The following P3H3 variants were observed in gnomAD, a reference collection of about 807,000 sequenced individuals.
P3H3 encodes the protein gene rich cluster, B.
Under a neutral mutation model 78.1 loss-of-function variants are expected in P3H3, and 64 were observed. The observed-to-expected ratio is 0.82, with a 90% CI of 0.67 to 1.01. P3H3 has a LOEUF of 1.01. P3H3 is among the 50% of genes least tolerant of loss of function. The pLI is 0.00. For missense variants in P3H3, 975 were observed against 982.2 expected (o/e 0.99, Z 0.10); for synonymous variants, 425 against 416.7 (o/e 1.02, Z -0.24).
Position 6,828,848 on chromosome 12 carries a change from G to A in P3H3, c.408G>A (p.Gly136=), listed in dbSNP as rs1383304773. 2.4e-6 allele frequency: 3 copies of A among 1,245,602 alleles called. No individual in the cohort carries two copies. Among genetic ancestry groups the A allele is most frequent in the Non-Finnish European group, 3.0e-6 (3 of 994,920 alleles). 77.2% of individuals were successfully genotyped at this position (1,245,602 alleles called of 1,614,324 possible). A position where few individuals can be genotyped will look rare whatever the true frequency, so the allele number is the denominator to read the frequency against. ...GCGCAGCACGGAGGCTGGGCCCCGGGGGCGCGGCGCGGCTTCGCGTGGGGA... is the reference window on the plus strand; with the variant it reads ...GCGCAGCACGGAGGCTGGGCCCCGGAGGCGCGGCGCGGCTTCGCGTGGGGA... The part of the protein sequence containing the change: ...TQCAARRLGP[G]GAARLRVGSA... The change falls in exon 1 of 15, where the codon GGG becomes GGA. Residue 136 remains glycine (G), a synonymous_variant. Transcript: ENST00000290510.
rs782454657 is a variant in P3H3, at chr12:6,830,376, G to A, written c.675G>A (p.Glu225=). Residue 225 remains glutamate, a synonymous_variant, in exon 3 of 15, where the codon GAG becomes GAA. Transcript: ENST00000290510. ...PHWAAYDTGL[E]LLGRQEAGLA... ...AGGCAGCCTATGACACTGGCCTGGA[G>A]CTACTGGGGCGCCAGGAGGCAGGAC... The A allele has an allele frequency of 5.2e-5, 82 of 1,584,656 alleles. 2 individuals are homozygous for A. The South Asian group carries it at 9.1e-4, about 18-fold the overall frequency.
rs2137955040 is a variant in P3H3 at position 6,828,410 on chromosome 12, T to A, written c.-31T>A. The A allele has an allele frequency of 8.2e-6, 2 of 242,882 alleles. No individual in the cohort carries two copies. Among genetic ancestry groups the A allele is most frequent in the African/African-American group, 2.5e-5 (1 of 39,536 alleles). 15.0% of individuals were successfully genotyped at this position (242,882 alleles called of 1,614,324 possible). A position where few individuals can be genotyped will look rare whatever the true frequency, so the allele number is the denominator to read the frequency against. ...CTCTCCCTCCCTCTCGGCTCCCGCA[T>A]TTCCCCTCGGCTGCCGGCGGCTCCG... On this transcript the variant is annotated 5_prime_UTR_variant, in exon 1 of 15. Coordinates refer to ENST00000290510, the MANE Select transcript of P3H3 (RefSeq NM_014262.5).
Position 6,839,521 on chromosome 12 carries a change from C to T in P3H3, c.*60C>T. 6 of 1,519,076 alleles carry T rather than the reference C, an allele frequency of 3.9e-6. No homozygotes were observed. The Admixed American group carries it at 8.1e-5, about 21-fold the overall frequency. 94.1% of individuals were successfully genotyped at this position (1,519,076 alleles called of 1,614,324 possible). On this transcript the variant is annotated 3_prime_UTR_variant, in exon 15 of 15. Coordinates refer to ENST00000290510, the MANE Select transcript of P3H3 (RefSeq NM_014262.5). ...TGACTTGTGGAAGGCCATCTTGATG[C>T]CAGGACACACAGGAAGCCCCTGTGT...
chr12:6,837,282 A>G, intron 10 of P3H3, 141 bp from the exon 11 acceptor site: 1 of 1,207,682 alleles, frequency 8.3e-7, no homozygotes, highest in South Asian at 1.4e-5. Context: ...GAGAAGGAGC[A>G]GTTTGGGCTG....
chr12:6,829,810 C>A lies in P3H3; in HGVS notation c.499-49C>A. On this transcript the variant is annotated intron_variant, in intron 1 of 14. Coordinates refer to ENST00000290510, the MANE Select transcript of P3H3 (RefSeq NM_014262.5). This position sits in a 1 kb window ranked among gnomAD's most constrained non-coding sequence, Gnocchi z 5.1. ...GGGAGGCTGGCCAGGGGGCAGAGGT[C>A]TGCCCCCCGTCCCAGGGCTCTGATG... 2 of 1,610,010 alleles carry A rather than the reference C, an allele frequency of 1.2e-6. No homozygotes were observed. Among genetic ancestry groups the A allele is most frequent in the South Asian group, 1.1e-5 (1 of 90,878 alleles).
At position 6,833,812 on chromosome 12, in the gene P3H3, G is replaced by T; in HGVS notation, c.1333+3G>T. 2 of 1,611,704 alleles carry T rather than the reference G, an allele frequency of 1.2e-6. No individual in the cohort carries two copies. Among genetic ancestry groups the T allele is most frequent in the Non-Finnish European group, 1.7e-6 (2 of 1,177,874 alleles). ...AAAGCCCTTGACCTACTGGAAGGGT[G>T]AGTTCCTGGGAGGGAGAAGGCAGGA... On this transcript the variant is annotated splice_donor_region_variant and intron_variant, in intron 8 of 14. Transcript: ENST00000290510.
intron 13 of P3H3, among the ~76,000 whole-genome samples, chr12:6,838,347 G>A (rs1251045433): frequency 2.0e-5 from 3 of 152,174 alleles, no homozygotes; most frequent in African/African-American, 7.2e-5. Flanking sequence ...TTTGCAGCGA[G>A]GTGAGCACAG....
chr12:6,836,199 G>A (rs1943493961), intron 9 of P3H3, among the ~76,000 whole-genome samples: 2 of 148,708 alleles, frequency 1.3e-5, no homozygotes, highest in South Asian at 2.2e-4. Flanking sequence ...TCCAGCCTGG[G>A]CGATAGAGCA....
At chr12:6,830,116 T>C in intron 2 of P3H3, 105 bp downstream of exon 2, 9 of 1,440,298 alleles carry the variant, frequency 6.2e-6, no homozygotes, top group Non-Finnish European at 6.7e-6. Flanking sequence ...ACAGATGGGG[T>C]AATGATCCTC....
Position 6,839,149 on chromosome 12 carries a change from C to T in P3H3, c.2046+9C>T, listed in dbSNP as rs782254369. On this transcript the variant is annotated intron_variant, in intron 14 of 14. Transcript: ENST00000290510. ...CTGAGCACAGGGAGCAGGTAAGGAG[C>T]GGGGTAGGAAGGGATGTGGTTCTCC... 14 of 1,592,794 alleles carry T rather than the reference C, an allele frequency of 8.8e-6. No individual in the cohort carries two copies. Among genetic ancestry groups the T allele is most frequent in the Admixed American group, 8.6e-5 (5 of 58,224 alleles).
chr12:6,830,000 C>T lies in P3H3; in HGVS notation c.640C>T (p.Pro214Ser), dbSNP rs782577260. The T allele has an allele frequency of 1.9e-6, 3 of 1,613,870 alleles. No homozygotes were observed. Among genetic ancestry groups the T allele is most frequent in the Non-Finnish European group, 2.5e-6 (3 of 1,179,862 alleles). ...RPQSFRDLET[P>S]PHWAAYDTGL... ...CCAGAGCTTCCGGGACCTGGAGACGCCCCCACACTGGGTGAGAATCCCAGC... is the reference window on the plus strand; with the variant it reads ...CCAGAGCTTCCGGGACCTGGAGACGTCCCCACACTGGGTGAGAATCCCAGC... The change falls in exon 2 of 15, where the codon CCC (proline) becomes TCC (serine). Residue 214 changes from proline (P) to serine (S), a missense_variant. By Grantham distance (74) the Pro-to-Ser change is moderately conservative. Coordinates refer to ENST00000290510, the MANE Select transcript of P3H3 (RefSeq NM_014262.5). This position sits in a 1 kb window ranked among gnomAD's most constrained non-coding sequence, Gnocchi z 5.1.
intron 9 of P3H3, 100 bp from the exon 10 acceptor site, chr12:6,836,885 C>T (rs1464287692): frequency 2.5e-6 from 2 of 797,886 alleles, no homozygotes; most frequent in Non-Finnish European, 4.1e-6. Context: ...GAGCATCTAG[C>T]TTCTTCTGGA....
intron 9 of P3H3, among the ~76,000 whole-genome samples, chr12:6,836,310 G>A (rs1031032216): frequency 1.2e-4 from 18 of 151,762 alleles, no homozygotes; most frequent in Admixed American, 2.0e-4. Context: ...GTATGCAGGC[G>A]TAACTAGATA....
rs1943406605 is a variant in P3H3, at chr12:6,828,537, C to T, written c.97C>T (p.Pro33Ser). The change falls in exon 1 of 15, where the codon CCC becomes TCC. Residue 33 changes from proline (P) to serine (S), a missense_variant. Pro to Ser is a moderately conservative substitution (Grantham distance 74). Coordinates refer to ENST00000290510, the MANE Select transcript of P3H3 (RefSeq NM_014262.5). ...CCTGACCCAGCTGTCCCCGGGGGCG[C>T]CCCCGCAGGCCCCCGACTTGCTCTA... ...PGLTQLSPGAPPQAPDLLYAD... is the reference protein window; with the variant it reads ...PGLTQLSPGASPQAPDLLYAD... 3 of 1,277,646 alleles carry T rather than the reference C, an allele frequency of 2.3e-6. No individual in the cohort carries two copies. The highest frequency in any genetic ancestry group is 2.5e-5 in the South Asian group (1 of 40,306). 79.1% of individuals were successfully genotyped at this position (1,277,646 alleles called of 1,614,324 possible). A position where few individuals can be genotyped will look rare whatever the true frequency, so the allele number is the denominator to read the frequency against.
At chr12:6,837,185 T>C in intron 10 of P3H3, 99 bp downstream of exon 10, 1 of 1,137,066 alleles carries the variant, frequency 8.8e-7, no homozygotes, top group Non-Finnish European at 1.3e-6. Flanking sequence ...GTGAAGGAGC[T>C]TTCTTGGGAC....
chr12:6,830,205 A>G (rs1335761882), intron 2 of P3H3, 148 bp from the exon 3 acceptor site: 1 of 1,022,222 alleles, frequency 9.8e-7, no homozygotes, highest in South Asian at 1.6e-5. Context: ...TTCTAACATT[A>G]TGATTCTGAG....
intron 9 of P3H3, 28 bp downstream of exon 9, chr12:6,834,077 C>G (rs369659504): frequency 5.0e-6 from 8 of 1,611,608 alleles, no homozygotes; most frequent in Non-Finnish European, 6.8e-6. Flanking sequence ...CTCATCAGCT[C>G]GTTCAAGACT....
At chr12:6,832,596 T>G (rs1555121609) in intron 6 of P3H3, among the ~76,000 whole-genome samples, 3 of 151,860 alleles carry the variant, frequency 2.0e-5, no homozygotes, top group African/African-American at 7.3e-5. Context: ...AAGCTAGTTT[T>G]TTTTATTTTT....
At position 6,829,925 on chromosome 12, in the gene P3H3, C is replaced by T; in HGVS notation, c.565C>T (p.Gln189Ter). 6.2e-7 allele frequency: 1 copy of T among 1,614,038 alleles called. No homozygotes were observed. Among genetic ancestry groups the T allele is most frequent in the Non-Finnish European group, 8.5e-7 (1 of 1,179,890 alleles). The change falls in exon 2 of 15, where the codon CAG becomes TAG. Residue 189 changes from glutamine to a stop codon, truncating the protein, a stop_gained. Transcript: ENST00000290510. LOFTEE classifies it high-confidence loss of function. This position sits in a 1 kb window ranked among gnomAD's most constrained non-coding sequence, Gnocchi z 5.1. ...CTTTGTAGCAAACCCCATGCACCTGCAGATGCGGGAGGACATGGCTAAGTA... is the reference window on the plus strand; with the variant it reads ...CTTTGTAGCAAACCCCATGCACCTGTAGATGCGGGAGGACATGGCTAAGTA... ...TFFVANPMHL[Q>*]MREDMAKYRR...
Sources: allele counts gnomAD v4.1 joint callset (sites outside exome capture counted in the v4.1 genomes callset), GRCh38; gene constraint gnomAD v4.1.1; non-coding constraint Gnocchi (gnomAD v3.1); transcripts MANE v1.5; gene names NCBI Gene and HGNC (gene_info 2026-07-23, HGNC 2026-07-21).